Variants in COIL observed in about 807,000 individuals in gnomAD.
COIL encodes the protein coilin.
A neutral mutation model predicts 51.6 loss-of-function variants in COIL; 28 were observed. The observed-to-expected ratio is 0.54, with a 90% CI of 0.40 to 0.74. COIL has a LOEUF of 0.74. Ranked by LOEUF, COIL falls within the 30% of genes least tolerant of loss-of-function variation. The pLI is 0.00. For synonymous variants in COIL, 233 were observed against 255.8 expected, an observed-to-expected ratio of 0.91 and a Z score of 0.85; for missense variants, 667 against 685.9, an observed-to-expected ratio of 0.97 and a Z score of 0.31.
intron 5 of COIL, among the ~76,000 whole-genome samples, chr17:56,943,587 T>C (rs932901325): frequency 1.8e-4 from 27 of 152,268 alleles, no homozygotes; most frequent in Non-Finnish European, 1.8e-4. Flanking sequence ...CTGCTCTGTA[T>C]GTGAACTGAA....
At chr17:56,953,661 T>C (rs1910426597) in intron 1 of COIL, among the ~76,000 whole-genome samples, 1 of 152,150 alleles carries the variant, frequency 6.6e-6, no homozygotes, top group African/African-American at 2.4e-5. Context: ...GAACAACTGG[T>C]GAATGATAGG....
intron 1 of COIL, among the ~76,000 whole-genome samples, chr17:56,959,796 G>A (rs188840078): frequency 4.6e-5 from 7 of 152,388 alleles, no homozygotes; most frequent in African/African-American, 1.7e-4. Context: ...GTCGCACAGT[G>A]CCTAGCTAAG....
chr17:56,955,671 G>A (rs1910469869), intron 1 of COIL, among the ~76,000 whole-genome samples: 1 of 152,152 alleles, frequency 6.6e-6, no homozygotes, highest in African/African-American at 2.4e-5. Flanking sequence ...GAGAGAGCAT[G>A]CCTGACTCAG....
At chr17:56,953,823 C>T (rs76835504) in intron 1 of COIL, among the ~76,000 whole-genome samples, 4,136 of 152,048 alleles carry the variant, frequency 0.027, 94 homozygotes, top group Non-Finnish European at 0.042. Context: ...TTACTGATAT[C>T]AGGAGTAGGA....
intron 5 of COIL, among the ~76,000 whole-genome samples, chr17:56,945,611 T>C (rs1252217199): frequency 6.6e-6 from 1 of 152,226 alleles, no homozygotes; most frequent in African/African-American, 2.4e-5. Context: ...TGACAATCTT[T>C]TGAAATAGAG....
intron 1 of COIL, chr17:56,952,354 G>C (rs549208057): frequency 2.3e-5 from 10 of 441,402 alleles, no homozygotes; most frequent in Admixed American, 5.1e-5. Context: ...AGACCACGAA[G>C]AAGCAAGACG....
intron 5 of COIL, among the ~76,000 whole-genome samples, chr17:56,943,023 T>C (rs898261360): frequency 2.0e-5 from 3 of 152,320 alleles, no homozygotes; most frequent in Admixed American, 6.5e-5. Flanking sequence ...ACACTGTAAT[T>C]ACATTAGGAA....
chr17:56,946,515 T>C lies in COIL; in HGVS notation c.1489-4A>G, dbSNP rs756002743. ...TGTGGCTTAATATTCTTCCTTCCTT[T>C]CAAAAATAAAAGTCCAAGTCAAAAT... is the stretch of plus-strand genomic sequence containing the variant. On this transcript the variant is annotated splice_region_variant and splice_polypyrimidine_tract_variant and intron_variant, in intron 4 of 6. Transcript: ENST00000240316. The C allele has an allele frequency of 1.4e-5, 23 of 1,604,050 alleles. No homozygotes were observed. In the South Asian group the frequency reaches 2.6e-4, roughly 18 times the overall value.
At chr17:56,943,419 C>T (rs1910184626) in intron 5 of COIL, among the ~76,000 whole-genome samples, 1 of 152,200 alleles carries the variant, frequency 6.6e-6, no homozygotes, top group South Asian at 2.1e-4. Context: ...TACAGACTCT[C>T]CTTAAACTCA....
chr17:56,950,235 C>CA lies in COIL; in HGVS notation c.1006dup (p.Cys336LeufsTer55), dbSNP rs1327813223. 1 of 1,614,212 alleles carries CA rather than the reference C, an allele frequency of 6.2e-7. No individual in the cohort carries two copies. Among genetic ancestry groups the CA allele is most frequent in the Admixed American group, 1.7e-5 (1 of 60,016 alleles). ...TACTGTCTTTAAGAAACCCGCAGCA[C>CA]ACTCCGGGGTGCTCGATGACATCAA... On this transcript the variant is annotated frameshift_variant, in exon 2 of 7. Coordinates refer to ENST00000240316, the MANE Select transcript of COIL (RefSeq NM_004645.3). LOFTEE classifies it high-confidence loss of function.
intron 3 of COIL, 47 bp downstream of exon 3, chr17:56,949,634 G>C: frequency 6.6e-7 from 1 of 1,525,484 alleles, no homozygotes; most frequent in South Asian, 1.1e-5. Context: ...AGTTTATTTG[G>C]AAGGGGAATG....
chr17:56,959,949 C>T (rs977841155), intron 1 of COIL, among the ~76,000 whole-genome samples: 1 of 152,372 alleles, frequency 6.6e-6, no homozygotes, highest in Admixed American at 6.5e-5. Context: ...GGCGCGGAGG[C>T]TCACGCCTGT....
intron 1 of COIL, chr17:56,952,278 G>T (rs1024095920): frequency 4.1e-6 from 2 of 485,848 alleles, no homozygotes; most frequent in African/African-American, 3.9e-5. Flanking sequence ...TAGAAAAATG[G>T]CAGAATAACC....
At chr17:56,946,407 G>T in intron 5 of COIL, 35 bp downstream of exon 5, 1 of 1,391,994 alleles carries the variant, frequency 7.2e-7, no homozygotes, top group Non-Finnish European at 1.0e-6. Context: ...TGTAGATAGA[G>T]CCTACATTTT....
intron 6 of COIL, among the ~76,000 whole-genome samples, chr17:56,940,481 T>C (rs1046175193): frequency 1.3e-5 from 2 of 152,068 alleles, no homozygotes; most frequent in Non-Finnish European, 2.9e-5. Context: ...CAAGGTTTAA[T>C]TTTCCAATGC....
chr17:56,958,081 A>G (rs1160686905), intron 1 of COIL, among the ~76,000 whole-genome samples: 6 of 152,202 alleles, frequency 3.9e-5, no homozygotes, highest in South Asian at 4.1e-4. Context: ...CTTTTTACCA[A>G]GTCCAGCCAG....
rs1225809066 is a variant in COIL at position 56,955,285 on chromosome 17, C to T, written c.246-4289G>A. On this transcript the variant is annotated intron_variant, in intron 1 of 6. Coordinates refer to ENST00000240316, the MANE Select transcript of COIL (RefSeq NM_004645.3). ...TTTGCCACGTTGGTCAGGCTGGTCT[C>T]GAACTGACCTCAGCTGATTCGCCCG... Among the ~76,000 whole-genome samples the T allele has an allele frequency of 3.3e-5, 5 of 152,142 alleles. No individual in the cohort carries two copies. The East Asian group carries it at 7.7e-4, about 23-fold the overall frequency.
At chr17:56,940,473 A>G (rs1352353031) in intron 6 of COIL, among the ~76,000 whole-genome samples, 2 of 152,132 alleles carry the variant, frequency 1.3e-5, no homozygotes, top group Non-Finnish European at 2.9e-5. Context: ...AAAGCCTCCA[A>G]GGTTTAATTT....
intron 1 of COIL, among the ~76,000 whole-genome samples, chr17:56,954,281 C>T (rs1160388514): frequency 1.3e-5 from 2 of 151,984 alleles, no homozygotes; most frequent in African/African-American, 2.4e-5. Context: ...ATGCATTGGC[C>T]GGGCGCGGTG....
Sources: gnomAD v4.1 joint callset for allele counts (sites outside exome capture counted in the v4.1 genomes callset) on GRCh38, gnomAD v4.1.1 for gene constraint, MANE v1.5 for transcripts, NCBI Gene and HGNC (gene_info 2026-07-23, HGNC 2026-07-21) for gene names.